CDH4: variants seen among roughly 807,000 people sequenced by gnomAD.
The protein encoded by CDH4 is cadherin-4.
A neutral mutation model predicts 86.0 loss-of-function variants in CDH4; 33 were observed. The ratio of observed to expected loss-of-function variants is 0.38; its 90% CI spans 0.29 to 0.51. CDH4 has a LOEUF of 0.51. Ranked by LOEUF, CDH4 falls within the 20% of genes least tolerant of loss-of-function variation. The pLI is 0.86. For synonymous variants in CDH4, 555 were observed against 549.4 expected, an observed-to-expected ratio of 1.01 and a Z score of -0.14; for missense variants, 1,114 against 1,307.4, an observed-to-expected ratio of 0.85 and a Z score of 2.28.
At chr20:61,624,678 A>G (rs2086812110) in intron 2 of CDH4, among the ~76,000 whole-genome samples, 1 of 152,252 alleles carries the variant, frequency 6.6e-6, no homozygotes. Flanking sequence ...AAAAGACTTC[A>G]GAAGAACTGG....
chr20:61,828,365 G>A (rs1981423179), intron 4 of CDH4, among the ~76,000 whole-genome samples: 1 of 152,170 alleles, frequency 6.6e-6, no homozygotes, highest in African/African-American at 2.4e-5. Context: ...ACCATGTGTA[G>A]GATACAAAAG....
At chr20:61,642,292 A>G (rs2087019293) in intron 2 of CDH4, among the ~76,000 whole-genome samples, 1 of 152,190 alleles carries the variant, frequency 6.6e-6, no homozygotes, top group Non-Finnish European at 1.5e-5. Flanking sequence ...GTCCTAGGGC[A>G]CCCTGGGGTT....
At chr20:61,900,019 G>A (rs541838900) in intron 8 of CDH4, among the ~76,000 whole-genome samples, 36 of 152,290 alleles carry the variant, frequency 2.4e-4, no homozygotes, top group African/African-American at 8.4e-4. Flanking sequence ...CGAGGATGCT[G>A]CCTGCGGTCC....
At chr20:61,713,808 G>A (rs1035920689) in intron 2 of CDH4, among the ~76,000 whole-genome samples, 38 of 152,258 alleles carry the variant, frequency 2.5e-4, no homozygotes, top group Admixed American at 2.0e-3. Context: ...CAGCCCCTAC[G>A]TGGTTACTGA....
intron 2 of CDH4, among the ~76,000 whole-genome samples, chr20:61,344,691 T>A (rs2084667548): frequency 6.6e-6 from 1 of 152,220 alleles, no homozygotes; most frequent in African/African-American, 2.4e-5. Context: ...GATTGATTTT[T>A]CTTTGTGATT....
intron 2 of CDH4, among the ~76,000 whole-genome samples, chr20:61,323,637 G>A (rs978778529): frequency 2.6e-5 from 4 of 152,092 alleles, no homozygotes; most frequent in Non-Finnish European, 5.9e-5. Context: ...TGGCGTCTTC[G>A]TGGGTGTTTT....
At chr20:61,913,104 T>G (rs1370074184) in intron 9 of CDH4, among the ~76,000 whole-genome samples, 2 of 152,112 alleles carry the variant, frequency 1.3e-5, no homozygotes, top group African/African-American at 4.8e-5. Context: ...TCGGATTCTG[T>G]GGCCTTCACG....
At chr20:61,303,645 T>G (rs952969147) in intron 2 of CDH4, among the ~76,000 whole-genome samples, 44 of 152,240 alleles carry the variant, frequency 2.9e-4, no homozygotes, top group African/African-American at 1.0e-3. Flanking sequence ...TGAAGTCCTC[T>G]TCTCTCTGCC....
At chr20:61,275,243 G>A (rs1484181784) in intron 2 of CDH4, among the ~76,000 whole-genome samples, 4 of 145,392 alleles carry the variant, frequency 2.8e-5, no homozygotes, top group East Asian at 2.1e-4. Flanking sequence ...GCAGTTTGGG[G>A]GAATACCGTG....
intron 2 of CDH4, among the ~76,000 whole-genome samples, chr20:61,390,982 A>G (rs1180612558): frequency 2.0e-5 from 3 of 152,232 alleles, no homozygotes; most frequent in Admixed American, 2.0e-4. Flanking sequence ...TACTTATTAA[A>G]GAGATATTCT....
In CDH4 at chr20:61,651,410, C is replaced by A. The variant is rs6061697; in HGVS notation, c.170-92153C>A. On this transcript the variant is annotated intron_variant, in intron 2 of 15. Transcript: ENST00000614565. The stretch of plus-strand genomic sequence containing the variant: ...CCGAGTCAAGCGTACAGGGGCCTCC[C>A]GGGAGCACCCTTGTGCCTGTCGCGG... Among the ~76,000 whole-genome samples, 18 of 152,224 alleles carry A rather than the reference C, an allele frequency of 1.2e-4. No homozygotes were observed. In the South Asian group the frequency reaches 1.7e-3, roughly 14 times the overall value.
At chr20:61,376,006 G>A (rs1356052890) in intron 2 of CDH4, among the ~76,000 whole-genome samples, 2 of 129,450 alleles carry the variant, frequency 1.5e-5, no homozygotes, top group South Asian at 2.9e-4. Flanking sequence ...GATGGTCTTG[G>A]TGGTGGTGAT....
intron 2 of CDH4, among the ~76,000 whole-genome samples, chr20:61,334,200 T>G (rs2084604170): frequency 6.6e-6 from 1 of 152,186 alleles, no homozygotes; most frequent in African/African-American, 2.4e-5. Flanking sequence ...TTGCAACTCT[T>G]GAAACAGTGT....
intron 2 of CDH4, among the ~76,000 whole-genome samples, chr20:61,539,979 TCTC>T (rs1197918705): frequency 6.6e-6 from 1 of 152,120 alleles, no homozygotes; most frequent in East Asian, 1.9e-4. Context: ...TTCCCACCGT[TCTC>T]CTCCCCGATG....
At chr20:61,927,388 G>A (rs1482237880) in intron 11 of CDH4, among the ~76,000 whole-genome samples, 2 of 152,182 alleles carry the variant, frequency 1.3e-5, no homozygotes, top group Admixed American at 6.5e-5. Context: ...AGCTCTGGGG[G>A]CTCGGCAGAG....
At chr20:61,700,563 G>A (rs2087763908) in intron 2 of CDH4, among the ~76,000 whole-genome samples, 1 of 152,246 alleles carries the variant, frequency 6.6e-6, no homozygotes, top group Non-Finnish European at 1.5e-5. Flanking sequence ...GACCCGCTGT[G>A]TCATCAGCCT....
At chr20:61,907,069 C>T (rs1409074229) in intron 8 of CDH4, among the ~76,000 whole-genome samples, 1 of 152,018 alleles carries the variant, frequency 6.6e-6, no homozygotes, top group Non-Finnish European at 1.5e-5. Context: ...GGCCCTCCCA[C>T]CACCACCTCT....
intron 2 of CDH4, among the ~76,000 whole-genome samples, chr20:61,716,114 T>A (rs2145905100): frequency 6.6e-6 from 1 of 152,282 alleles, no homozygotes; most frequent in South Asian, 2.1e-4. Flanking sequence ...CAGATGCTCC[T>A]CACCTGTGAG....
Position 61,387,042 on chromosome 20 carries a change from T to G in CDH4, c.169+132105T>G, listed in dbSNP as rs372073477. ...TTTACATTACTGGGTTGGATTCTTT[T>G]TATATTTTGCAATTTTGTTTAAAAA... On this transcript the variant is annotated intron_variant, in intron 2 of 15. Coordinates refer to ENST00000614565, the MANE Select transcript of CDH4 (RefSeq NM_001794.5). Among the ~76,000 whole-genome samples, 24 of 152,378 alleles carry G rather than the reference T, an allele frequency of 1.6e-4. No individual in the cohort carries two copies. In the East Asian group the frequency reaches 4.4e-3, roughly 28 times the overall value.
Sources: gnomAD v4.1 joint callset for allele counts (sites outside exome capture counted in the v4.1 genomes callset) on GRCh38, gnomAD v4.1.1 for gene constraint, MANE v1.5 for transcripts, NCBI Gene and HGNC (gene_info 2026-07-23, HGNC 2026-07-21) for gene names.